Variants in WFDC11 observed in about 807,000 individuals in gnomAD.
WFDC11 encodes the protein WAP four-disulfide core domain 11, also known as protein WFDC11.
In WFDC11, 9 loss-of-function variants were observed where a neutral mutation model predicts 9.9. The observed-to-expected ratio is 0.91, with a 90% confidence interval of 0.55 to 1.58. WFDC11 has a LOEUF of 1.58. Among genes scored for constraint, WFDC11 ranks in the 40% most tolerant of loss-of-function variants. The pLI, the probability that WFDC11 is intolerant of heterozygous loss-of-function variation, is 0.00. For synonymous variants in WFDC11, 32 were observed against 33.3 expected, an observed-to-expected ratio of 0.96 and a Z score of 0.13; for missense variants, 106 against 101.7, an observed-to-expected ratio of 1.04 and a Z score of -0.18.
chr20:45,652,102 G>A (rs1038309210), intron 2 of WFDC11, among the ~76,000 whole-genome samples: 11 of 152,188 alleles, frequency 7.2e-5, no homozygotes, highest in Non-Finnish European at 1.0e-4. Context: ...CTCCCAGCAC[G>A]CAGCTGGAGA....
At chr20:45,661,102 T>C (rs554591852) in intron 2 of WFDC11, among the ~76,000 whole-genome samples, 40 of 152,256 alleles carry the variant, frequency 2.6e-4, no homozygotes, top group East Asian at 1.7e-3. Flanking sequence ...TTTTAATGAT[T>C]GCCATTCTAA....
chr20:45,665,394 A>T (rs1983166069), intron 2 of WFDC11, among the ~76,000 whole-genome samples: 1 of 151,920 alleles, frequency 6.6e-6, no homozygotes, highest in African/African-American at 2.4e-5. Flanking sequence ...TTGTTATTAT[A>T]GACCTTCTGA....
chr20:45,656,786 A>G (rs1568662335), intron 2 of WFDC11, among the ~76,000 whole-genome samples: 1 of 152,244 alleles, frequency 6.6e-6, no homozygotes, highest in South Asian at 2.1e-4. Context: ...ATGAACAGAC[A>G]CTTCTCAAAA....
chr20:45,662,624 A>G (rs142266619), intron 2 of WFDC11, among the ~76,000 whole-genome samples: 1 of 152,346 alleles, frequency 6.6e-6, no homozygotes, highest in South Asian at 2.1e-4. Context: ...AGTTTTTAGC[A>G]TGAAGCGTTG....
intron 2 of WFDC11, among the ~76,000 whole-genome samples, chr20:45,658,027 G>A (rs189629375): frequency 9.2e-5 from 14 of 152,064 alleles, no homozygotes; most frequent in African/African-American, 2.9e-4. Context: ...GTTATATAAT[G>A]ACTTTTTGAA....
chr20:45,655,561 T>C (rs994968453), intron 2 of WFDC11, among the ~76,000 whole-genome samples: 1 of 152,260 alleles, frequency 6.6e-6, no homozygotes, highest in Non-Finnish European at 1.5e-5. Context: ...CTATTCAACA[T>C]AGTGTTGGAA....
chr20:45,657,861 G>A (rs1982970363), intron 2 of WFDC11, among the ~76,000 whole-genome samples: 1 of 152,112 alleles, frequency 6.6e-6, no homozygotes, highest in Non-Finnish European at 1.5e-5. Flanking sequence ...CATTTAAAGT[G>A]TTAGCTTACA....
At position 45,650,653 on chromosome 20, in the gene WFDC11, T is replaced by A; in HGVS notation, c.-51-2A>T. The stretch of plus-strand genomic sequence containing the variant: ...GATTATTTTTCTTCCCAGTCGCTGC[T>A]AGAGATCAAGACATATAAATAGGGA... On this transcript the variant is annotated splice_acceptor_variant, in intron 2 of 4. Coordinates refer to ENST00000324384, the MANE Select transcript of WFDC11 (RefSeq NM_147197.2). LOFTEE classifies it low-confidence loss of function (5UTR_SPLICE). 1 of 1,462,286 alleles carries A rather than the reference T, an allele frequency of 6.8e-7. No individual in the cohort carries two copies. Among genetic ancestry groups the A allele is most frequent in the Admixed American group, 1.7e-5 (1 of 59,620 alleles). 90.6% of individuals were successfully genotyped at this position (1,462,286 alleles called of 1,614,324 possible). A position where few individuals can be genotyped will look rare whatever the true frequency, so the allele number is the denominator to read the frequency against.
chr20:45,659,661 G>C (rs2145620517), intron 2 of WFDC11, among the ~76,000 whole-genome samples: 1 of 152,302 alleles, frequency 6.6e-6, no homozygotes, highest in African/African-American at 2.4e-5. Context: ...GATTCTGTAG[G>C]TTGCCTGTTC....
At chr20:45,663,387 T>C (rs2078155377) in intron 2 of WFDC11, among the ~76,000 whole-genome samples, 1 of 152,154 alleles carries the variant, frequency 6.6e-6, no homozygotes, top group South Asian at 2.1e-4. Context: ...CTCCTGGATT[T>C]ATTGATTTCT....
chr20:45,655,835 A>G (rs778731306), intron 2 of WFDC11, among the ~76,000 whole-genome samples: 35 of 152,236 alleles, frequency 2.3e-4, no homozygotes, highest in Non-Finnish European at 4.0e-4. Flanking sequence ...CATTCACAAT[A>G]GCTTCAAAAA....
intron 2 of WFDC11, among the ~76,000 whole-genome samples, chr20:45,651,877 C>T (rs1029432178): frequency 6.6e-6 from 1 of 152,152 alleles, no homozygotes; most frequent in African/African-American, 2.4e-5. Context: ...AAGGCGGCAG[C>T]GAGGCTGGGG....
chr20:45,667,498 C>A (rs1394881869), intron 1 of WFDC11, among the ~76,000 whole-genome samples: 2 of 152,164 alleles, frequency 1.3e-5, no homozygotes, highest in East Asian at 3.9e-4. Context: ...TGTGTGAGGA[C>A]CTTCATAAAG....
intron 2 of WFDC11, among the ~76,000 whole-genome samples, chr20:45,656,211 G>C (rs1343908271): frequency 6.7e-6 from 1 of 148,734 alleles, no homozygotes; most frequent in African/African-American, 2.5e-5. Flanking sequence ...AACCAAAACA[G>C]CATAGTACTG....
chr20:45,660,828 T>G, intron 2 of WFDC11, among the ~76,000 whole-genome samples: 1 of 152,230 alleles, frequency 6.6e-6, no homozygotes, highest in Non-Finnish European at 1.5e-5. Context: ...GTTGGACATT[T>G]GGCTCGGTTC....
At position 45,648,699 on chromosome 20, in the gene WFDC11, C is replaced by A. The variant is rs1982734036; in HGVS notation, c.*20G>T. ...ATTTCCCAGCCCACACAGGTGGCAG[C>A]CTGGTGGGAAGCTACGGTTTTAGTA... On this transcript the variant is annotated 3_prime_UTR_variant, in exon 5 of 5. Coordinates refer to ENST00000324384, the MANE Select transcript of WFDC11 (RefSeq NM_147197.2). The A allele has an allele frequency of 1.2e-6, 2 of 1,614,080 alleles. No homozygotes were observed. Among genetic ancestry groups the A allele is most frequent in the South Asian group, 1.1e-5 (1 of 91,072 alleles).
chr20:45,655,619 G>A (rs996447449), intron 2 of WFDC11, among the ~76,000 whole-genome samples: 4 of 152,090 alleles, frequency 2.6e-5, no homozygotes, highest in East Asian at 1.9e-4. Context: ...ATGGTATTCA[G>A]TTAGGAAAAG....
intron 2 of WFDC11, among the ~76,000 whole-genome samples, chr20:45,654,421 C>T (rs911027730): frequency 6.6e-6 from 1 of 152,178 alleles, no homozygotes; most frequent in African/African-American, 2.4e-5. Flanking sequence ...CTCTGGGACA[C>T]ATTCAAAGCA....
chr20:45,648,604 C>T lies in WFDC11; in HGVS notation c.*115G>A. 1 of 1,152,062 alleles carries T rather than the reference C, an allele frequency of 8.7e-7. No homozygotes were observed. Among genetic ancestry groups the T allele is most frequent in the Non-Finnish European group, 1.3e-6 (1 of 789,734 alleles). The allele number at this position is 1,152,062 out of a possible 1,614,324, so 71.4% of individuals were successfully genotyped here. On this transcript the variant is annotated 3_prime_UTR_variant, in exon 5 of 5. Coordinates refer to ENST00000324384, the MANE Select transcript of WFDC11 (RefSeq NM_147197.2). ...TATTTGTCAAGTGTTTGCTGTTGTC[C>T]AGCTCTCAGTAAAAATAGACTGGTG... is the stretch of plus-strand genomic sequence containing the variant.
Sources: allele counts gnomAD v4.1 joint callset (sites outside exome capture counted in the v4.1 genomes callset), GRCh38; gene constraint gnomAD v4.1.1; transcripts MANE v1.5; gene names NCBI Gene and HGNC (gene_info 2026-07-23, HGNC 2026-07-21).